ELAPOR2: variants seen among roughly 807,000 people sequenced by gnomAD.
The protein encoded by ELAPOR2 is endosome/lysosome-associated apoptosis and autophagy regulator family member 2.
ELAPOR2 carries 89 observed loss-of-function variants against 120.7 expected under a neutral mutation model. The observed-to-expected ratio is 0.74, with a 90% CI of 0.62 to 0.88. ELAPOR2 has a LOEUF of 0.88. ELAPOR2 is among the 40% of genes least tolerant of loss of function. ELAPOR2 has a pLI of 0.00. For synonymous variants in ELAPOR2, 444 were observed against 444.9 expected (o/e 1.00, Z 0.03); for missense variants, 1,134 against 1,251.6 (o/e 0.91, Z 1.42).
At chr7:86,966,042 A>T (rs1306622351) in intron 1 of ELAPOR2, 1 of 760,330 alleles carries the variant, frequency 1.3e-6, no homozygotes, top group East Asian at 1.3e-4. Flanking sequence ...AGATTTCCCA[A>T]ATCATCAAGT....
intron 1 of ELAPOR2, among the ~76,000 whole-genome samples, chr7:86,965,252 T>C (rs1183641706): frequency 6.6e-6 from 1 of 152,126 alleles, no homozygotes; most frequent in African/African-American, 2.4e-5. Context: ...CGCTGTCAGG[T>C]TGTGACCATT....
intron 18 of ELAPOR2, among the ~76,000 whole-genome samples, chr7:86,901,626 T>C (rs1483374897): frequency 4.6e-5 from 7 of 152,236 alleles, no homozygotes; most frequent in African/African-American, 1.7e-4. Context: ...TCCCTCTGGA[T>C]TTTGTCTGAG....
intron 1 of ELAPOR2, among the ~76,000 whole-genome samples, chr7:87,052,603 C>G (rs949287026): frequency 2.6e-5 from 4 of 152,166 alleles, no homozygotes; most frequent in Non-Finnish European, 5.9e-5. Context: ...TAACAACTTC[C>G]TAACTAATGT....
intron 1 of ELAPOR2, among the ~76,000 whole-genome samples, chr7:86,972,071 T>C (rs1792123578): frequency 6.6e-6 from 1 of 152,132 alleles, no homozygotes; most frequent in Non-Finnish European, 1.5e-5. Flanking sequence ...CCTCGCTTTC[T>C]ACAATCAAGC....
At chr7:87,033,828 CAT>C (rs1293630112) in intron 1 of ELAPOR2, among the ~76,000 whole-genome samples, 1 of 151,702 alleles carries the variant, frequency 6.6e-6, no homozygotes, top group Non-Finnish European at 1.5e-5. Flanking sequence ...AATAAATGTG[CAT>C]ATATATAATA....
At chr7:87,022,160 T>A (rs180735459) in intron 1 of ELAPOR2, among the ~76,000 whole-genome samples, 28 of 152,130 alleles carry the variant, frequency 1.8e-4, no homozygotes, top group Non-Finnish European at 3.8e-4. Context: ...ACATGTGCCA[T>A]GTTGGTGTGT....
intron 4 of ELAPOR2, among the ~76,000 whole-genome samples, chr7:86,943,213 T>C (rs1165298820): frequency 1.3e-5 from 2 of 151,916 alleles, no homozygotes; most frequent in East Asian, 3.9e-4. Context: ...ACGTCATATG[T>C]TATCTTGACA....
chr7:87,030,728 C>T (rs539353539), intron 1 of ELAPOR2, among the ~76,000 whole-genome samples: 3 of 152,276 alleles, frequency 2.0e-5, no homozygotes, highest in African/African-American at 7.2e-5. Flanking sequence ...AAAGAAGGTA[C>T]ATGCCAGCTG....
At chr7:86,888,314 G>C (rs1332749779) in intron 21 of ELAPOR2, among the ~76,000 whole-genome samples, 1 of 152,108 alleles carries the variant, frequency 6.6e-6, no homozygotes. Context: ...AATGAGACAA[G>C]CTGGTTTTTT....
At chr7:86,917,598 A>G (rs1268543973) in intron 12 of ELAPOR2, among the ~76,000 whole-genome samples, 1 of 152,136 alleles carries the variant, frequency 6.6e-6, no homozygotes, top group Non-Finnish European at 1.5e-5. Context: ...AGAATTGAAG[A>G]CTTACGGGTT....
At chr7:86,900,654 T>C (rs1233944620) in intron 18 of ELAPOR2, among the ~76,000 whole-genome samples, 2 of 152,204 alleles carry the variant, frequency 1.3e-5, no homozygotes, top group South Asian at 2.1e-4. Flanking sequence ...TAACTCAAAA[T>C]AGTTTACCTT....
At chr7:86,890,891 T>C (rs917982026) in intron 21 of ELAPOR2, among the ~76,000 whole-genome samples, 4 of 152,090 alleles carry the variant, frequency 2.6e-5, no homozygotes, top group Non-Finnish European at 5.9e-5. Context: ...TATTACTCTT[T>C]ATAAATGTAA....
At chr7:87,042,393 G>C (rs556912660) in intron 1 of ELAPOR2, among the ~76,000 whole-genome samples, 2 of 150,954 alleles carry the variant, frequency 1.3e-5, no homozygotes, top group East Asian at 1.9e-4. Context: ...TAAAAGAACA[G>C]AAATTATAAC....
chr7:86,938,633 A>G (rs188344909), intron 7 of ELAPOR2, among the ~76,000 whole-genome samples, 175 bp downstream of exon 7: 1 of 152,202 alleles, frequency 6.6e-6, no homozygotes, highest in Non-Finnish European at 1.5e-5. Context: ...TACTGGGGAA[A>G]GTCATGCAGA....
chr7:87,030,763 T>A (rs569181883), intron 1 of ELAPOR2, among the ~76,000 whole-genome samples: 2 of 152,274 alleles, frequency 1.3e-5, no homozygotes, highest in South Asian at 4.2e-4. Context: ...TCTCTGTATG[T>A]CATTTCTTAT....
chr7:86,911,061 GAGAT>G (rs1462527233), intron 15 of ELAPOR2, among the ~76,000 whole-genome samples: 2 of 152,044 alleles, frequency 1.3e-5, no homozygotes, highest in South Asian at 2.1e-4. Context: ...AGGAAGGAAA[GAGAT>G]AGAAGCTAGA....
intron 11 of ELAPOR2, 51 bp downstream of exon 11, chr7:86,919,169 G>T: frequency 7.7e-7 from 1 of 1,305,744 alleles, no homozygotes; most frequent in Non-Finnish European, 1.1e-6. Flanking sequence ...TTTCTGTGGG[G>T]AAACAGGTGT....
At chr7:86,962,867 C>G (rs923721233) in intron 2 of ELAPOR2, among the ~76,000 whole-genome samples, 1 of 152,202 alleles carries the variant, frequency 6.6e-6, no homozygotes, top group Non-Finnish European at 1.5e-5. Flanking sequence ...CTGCCTTCAG[C>G]AGCCAAACAC....
At chr7:86,935,399 A>G (rs1258593156) in intron 8 of ELAPOR2, among the ~76,000 whole-genome samples, 1 of 151,990 alleles carries the variant, frequency 6.6e-6, no homozygotes, top group Non-Finnish European at 1.5e-5. Context: ...GGCCTTGCCC[A>G]GTTTTAAAAA....
Sources: allele counts gnomAD v4.1 joint callset (sites outside exome capture counted in the v4.1 genomes callset), GRCh38; gene constraint gnomAD v4.1.1; transcripts MANE v1.5; gene names NCBI Gene and HGNC (gene_info 2026-07-23, HGNC 2026-07-21).